SLC35F3: variants seen among roughly 807,000 people sequenced by gnomAD.
SLC35F3 encodes putative thiamine transporter SLC35F3.
A neutral mutation model predicts 49.9 loss-of-function variants in SLC35F3; 25 were observed. The observed-to-expected ratio is 0.50, with a 90% CI of 0.37 to 0.70. SLC35F3 has a LOEUF of 0.70. Among genes scored for constraint, SLC35F3 ranks in the 30% least tolerant of loss-of-function variants. The pLI, the probability that SLC35F3 is intolerant of heterozygous loss-of-function variation, is 0.00. For missense variants in SLC35F3, 525 were observed against 639.8 expected, an observed-to-expected ratio of 0.82 and a Z score of 1.94; for synonymous variants, 275 against 265.4, an observed-to-expected ratio of 1.04 and a Z score of -0.35.
At chr1:234,030,968 G>A (rs1664053747) in intron 2 of SLC35F3, among the ~76,000 whole-genome samples, 1 of 152,178 alleles carries the variant, frequency 6.6e-6, no homozygotes, top group Non-Finnish European at 1.5e-5. Flanking sequence ...TGCTTACATG[G>A]AGGGAAATGG....
chr1:234,256,059 A>T (rs1420915345), intron 3 of SLC35F3, among the ~76,000 whole-genome samples: 1 of 152,182 alleles, frequency 6.6e-6, no homozygotes, highest in Non-Finnish European at 1.5e-5. Flanking sequence ...AACTCCCTCT[A>T]GTTTCTGCTC....
chr1:234,007,364 G>A (rs974505306), intron 2 of SLC35F3, among the ~76,000 whole-genome samples: 2 of 152,142 alleles, frequency 1.3e-5, no homozygotes, highest in African/African-American at 4.8e-5. Flanking sequence ...TCTCTGAGGG[G>A]AGCAAGTGCA....
chr1:234,005,806 A>G (rs1261334409), intron 2 of SLC35F3, among the ~76,000 whole-genome samples: 6 of 152,184 alleles, frequency 3.9e-5, no homozygotes, highest in African/African-American at 1.4e-4. Context: ...AGAGGTCACT[A>G]AATCAAGTTG....
rs2102941506 is a variant in SLC35F3 at position 234,214,292 on chromosome 1, G to A, written c.284-17125G>A. 1.6e-6 allele frequency: 2 copies of A among 1,282,732 alleles called. No homozygotes were observed. Among genetic ancestry groups the A allele is most frequent in the South Asian group, 2.6e-5 (1 of 39,088 alleles). 79.5% of individuals were successfully genotyped at this position (1,282,732 alleles called of 1,614,324 possible). On this transcript the variant is annotated intron_variant, in intron 2 of 7. Coordinates refer to ENST00000366618, the MANE Select transcript of SLC35F3 (RefSeq NM_173508.4). This position sits in a 1 kb window ranked among gnomAD's most constrained non-coding sequence, Gnocchi z 8.0. ...GAGTGGCTGCGCGGCCGGGGAGGAT[G>A]TGCGCTGCAGGGCGGCCGCCGCAGT... is the stretch of plus-strand genomic sequence containing the variant.
chr1:233,936,202 C>G (rs551922356), intron 2 of SLC35F3, among the ~76,000 whole-genome samples: 6 of 152,220 alleles, frequency 3.9e-5, no homozygotes, highest in African/African-American at 1.4e-4. Flanking sequence ...CATGGCCCCC[C>G]CAGGGTTGCA....
At chr1:234,202,315 T>C (rs1424890776) in intron 2 of SLC35F3, among the ~76,000 whole-genome samples, 1 of 152,060 alleles carries the variant, frequency 6.6e-6, no homozygotes, top group Non-Finnish European at 1.5e-5. Context: ...TGTGTGCAAA[T>C]GCTCAGGGCC....
chr1:233,986,937 T>G (rs2102825022), intron 2 of SLC35F3, among the ~76,000 whole-genome samples: 1 of 152,324 alleles, frequency 6.6e-6, no homozygotes, highest in Non-Finnish European at 1.5e-5. Flanking sequence ...TCATTTTTTC[T>G]TTTTGTATGT....
In SLC35F3 at chr1:234,214,257, C is replaced by T; in HGVS notation, c.284-17160C>T. The stretch of plus-strand genomic sequence containing the variant: ...ACCTCCAAGTAGGAGGCTGTGCGCG[C>T]GTGTGTGTGGAGTGGCTGCGCGGCC... On this transcript the variant is annotated intron_variant, in intron 2 of 7. Coordinates refer to ENST00000366618, the MANE Select transcript of SLC35F3 (RefSeq NM_173508.4). The surrounding 1 kb of genome is among the most constrained non-coding windows in gnomAD (Gnocchi z 8.0). 3 of 1,252,628 alleles carry T rather than the reference C, an allele frequency of 2.4e-6. No individual in the cohort carries two copies. In the South Asian group the frequency reaches 8.8e-5, roughly 37 times the overall value. The allele number at this position is 1,252,628 out of a possible 1,614,324, so 77.6% of individuals were successfully genotyped here.
At chr1:234,011,351 T>C (rs183420140) in intron 2 of SLC35F3, among the ~76,000 whole-genome samples, 1 of 152,324 alleles carries the variant, frequency 6.6e-6, no homozygotes, top group East Asian at 1.9e-4. Context: ...CACACTGCAT[T>C]GTTTATTCCT....
At chr1:233,955,672 C>A (rs973540217) in intron 2 of SLC35F3, among the ~76,000 whole-genome samples, 1 of 151,972 alleles carries the variant, frequency 6.6e-6, no homozygotes, top group Non-Finnish European at 1.5e-5. Flanking sequence ...TGCAACTGGT[C>A]TCCTAGCCTC....
intron 3 of SLC35F3, among the ~76,000 whole-genome samples, chr1:234,283,666 A>T (rs1361721808): frequency 6.6e-6 from 1 of 152,240 alleles, no homozygotes; most frequent in East Asian, 1.9e-4. Flanking sequence ...AATCCCCCAT[A>T]ACAGAGAATA....
At chr1:234,144,639 A>G (rs571325415) in intron 2 of SLC35F3, among the ~76,000 whole-genome samples, 5 of 152,320 alleles carry the variant, frequency 3.3e-5, no homozygotes, top group African/African-American at 1.2e-4. Flanking sequence ...TAGCAGTTAA[A>G]CAGATTTTTT....
chr1:233,991,974 G>A (rs1004308762), intron 2 of SLC35F3, among the ~76,000 whole-genome samples: 3 of 152,140 alleles, frequency 2.0e-5, no homozygotes, highest in Non-Finnish European at 4.4e-5. Context: ...ATATTTAATG[G>A]ATAATTGCTC....
chr1:234,296,192 G>A (rs911389400), intron 3 of SLC35F3, among the ~76,000 whole-genome samples: 7 of 152,026 alleles, frequency 4.6e-5, no homozygotes, highest in Non-Finnish European at 8.8e-5. Flanking sequence ...TTCCTGAGCC[G>A]CCTATTCCAT....
chr1:234,308,553 G>T (rs1364156397), intron 3 of SLC35F3, among the ~76,000 whole-genome samples: 2 of 151,914 alleles, frequency 1.3e-5, no homozygotes, highest in African/African-American at 4.8e-5. Flanking sequence ...ACCCAGAAAA[G>T]CCAAAAGATT....
chr1:234,071,015 C>A (rs944288384), intron 2 of SLC35F3, among the ~76,000 whole-genome samples: 1 of 152,120 alleles, frequency 6.6e-6, no homozygotes, highest in African/African-American at 2.4e-5. Context: ...TCCAGGCAGC[C>A]GACAGAGCCT....
At chr1:234,067,618 C>G (rs1012800254) in intron 2 of SLC35F3, among the ~76,000 whole-genome samples, 5 of 152,146 alleles carry the variant, frequency 3.3e-5, no homozygotes, top group Admixed American at 6.5e-5. Flanking sequence ...GGCGAAGAAG[C>G]TTGGGTTGTC....
intron 3 of SLC35F3, among the ~76,000 whole-genome samples, chr1:234,282,088 C>T (rs1211597393): frequency 1.3e-5 from 2 of 152,168 alleles, no homozygotes; most frequent in Non-Finnish European, 2.9e-5. Flanking sequence ...CCTCTCTCAA[C>T]ACCCTCCGGC....
chr1:234,314,719 G>C (rs946628618), intron 4 of SLC35F3, among the ~76,000 whole-genome samples: 1 of 152,202 alleles, frequency 6.6e-6, no homozygotes, highest in Non-Finnish European at 1.5e-5. Flanking sequence ...CCGAGGTAGT[G>C]CCATTGCACT....
Sources: allele counts gnomAD v4.1 joint callset (sites outside exome capture counted in the v4.1 genomes callset), GRCh38; gene constraint gnomAD v4.1.1; non-coding constraint Gnocchi (gnomAD v3.1); transcripts MANE v1.5; gene names NCBI Gene and HGNC (gene_info 2026-07-23, HGNC 2026-07-21).